The following WDR72 variants were observed in gnomAD, a reference collection of about 807,000 sequenced individuals.
WDR72 encodes the protein WD repeat domain 72, also known as WD repeat-containing protein 72.
In WDR72, 120 loss-of-function variants were observed where a neutral mutation model predicts 124.2. The observed-to-expected ratio is 0.97, with a 90% CI of 0.83 to 1.12. The LOEUF (loss-of-function observed/expected upper bound fraction) is 1.12. Ranked by LOEUF, WDR72 falls within the 50% of genes most tolerant of loss-of-function variation. The probability of loss-of-function intolerance (pLI) is 0.00; values close to 1 mark genes in which losing one functional copy is unlikely to be tolerated. For missense variants in WDR72, 1,387 were observed against 1,278.8 expected, an observed-to-expected ratio of 1.08 and a Z score of -1.29; for synonymous variants, 452 against 441.7, an observed-to-expected ratio of 1.02 and a Z score of -0.29.
rs549978437 is a variant in WDR72, at chr15:53,549,280, G to A, written c.3149-25958C>T. Among the ~76,000 whole-genome samples, 3 of 152,234 alleles carry A rather than the reference G, an allele frequency of 2.0e-5. No individual in the cohort carries two copies. The South Asian group carries it at 6.2e-4, about 32-fold the overall frequency. ...AGTCGCATGTGATGAATGTCAAGCT[G>A]GGCTGATACACAGTTCTTTTGGAAC... On this transcript the variant is annotated intron_variant, in intron 18 of 19. Coordinates refer to ENST00000360509, the MANE Select transcript of WDR72 (RefSeq NM_182758.4).
At chr15:53,521,813 C>A (rs990101907) in intron 19 of WDR72, among the ~76,000 whole-genome samples, 1 of 151,650 alleles carries the variant, frequency 6.6e-6, no homozygotes, top group South Asian at 2.1e-4. Flanking sequence ...ACTTTTAAAA[C>A]CTAATAAAAA....
intron 13 of WDR72, among the ~76,000 whole-genome samples, chr15:53,698,615 G>A (rs907937843): frequency 4.6e-5 from 7 of 152,136 alleles, no homozygotes; most frequent in African/African-American, 1.2e-4. Flanking sequence ...AGGTTCTGGA[G>A]GCAAGCCCAG....
chr15:53,705,908 G>A lies in WDR72; in HGVS notation c.1102+19C>T, dbSNP rs1174204771. The A allele has an allele frequency of 6.2e-7, 1 of 1,613,698 alleles. No individual in the cohort carries two copies. The highest frequency in any genetic ancestry group is 8.5e-7 in the Non-Finnish European group (1 of 1,179,846). ...TTCATTCTCAGAAGACATGTTACTA[G>A]AAAAGGAAACTGACTTACCTCTAGG... On this transcript the variant is annotated intron_variant, in intron 10 of 19. Transcript: ENST00000360509.
At chr15:53,704,653 G>C (rs1291394198) in intron 11 of WDR72, among the ~76,000 whole-genome samples, 3 of 148,732 alleles carry the variant, frequency 2.0e-5, no homozygotes, top group Non-Finnish European at 3.0e-5. Flanking sequence ...AGCCTCCCAA[G>C]TAGCTGGGAC....
At chr15:53,638,846 T>C (rs1241799679) in intron 14 of WDR72, among the ~76,000 whole-genome samples, 1 of 151,830 alleles carries the variant, frequency 6.6e-6, no homozygotes, top group Non-Finnish European at 1.5e-5. Context: ...CTACTAAAAA[T>C]ACAAAAATTA....
intron 6 of WDR72, among the ~76,000 whole-genome samples, chr15:53,713,637 T>C (rs2017618714): frequency 6.6e-6 from 1 of 151,700 alleles, no homozygotes; most frequent in African/African-American, 2.4e-5. Context: ...TTTGTATTTT[T>C]AGTAGAGACG....
At chr15:53,672,159 C>T (rs1370064872) in intron 13 of WDR72, among the ~76,000 whole-genome samples, 1 of 151,824 alleles carries the variant, frequency 6.6e-6, no homozygotes, top group Non-Finnish European at 1.5e-5. Flanking sequence ...TAATAGGGGC[C>T]CTAATAAGAA....
intron 14 of WDR72, among the ~76,000 whole-genome samples, chr15:53,663,602 GATGA>G (rs1279256542): frequency 1.3e-5 from 2 of 152,112 alleles, no homozygotes; most frequent in African/African-American, 4.8e-5. Context: ...AATGACACTT[GATGA>G]ATGAGATTTG....
In WDR72 at chr15:53,676,241, A is replaced by G. The variant is rs912881686; in HGVS notation, c.1766-10473T>C. Among the ~76,000 whole-genome samples the G allele has an allele frequency of 5.9e-5, 9 of 152,302 alleles. No individual in the cohort carries two copies. The East Asian group carries it at 1.7e-3, about 29-fold the overall frequency. ...AGACTTCTACTAATAATCCCCAATG[A>G]CAGTCATCCTTATGTGATTCCCTCC... On this transcript the variant is annotated intron_variant, in intron 13 of 19. Transcript: ENST00000360509.
At chr15:53,706,350 G>GTATATATATA (rs56246540) in intron 9 of WDR72, among the ~76,000 whole-genome samples, 11 of 25,744 alleles carry the variant, frequency 4.3e-4, no homozygotes, top group South Asian at 1.5e-3. Context: ...GTGTGTGTGT[G>GTATATATATA]TATATATATA....
chr15:53,642,509 G>A (rs2014891263), intron 14 of WDR72, among the ~76,000 whole-genome samples: 1 of 151,946 alleles, frequency 6.6e-6, no homozygotes, highest in Non-Finnish European at 1.5e-5. Flanking sequence ...TAATAATAGA[G>A]CCTAACACAA....
intron 14 of WDR72, among the ~76,000 whole-genome samples, chr15:53,623,564 C>T (rs1051095915): frequency 7.2e-5 from 11 of 151,926 alleles, no homozygotes; most frequent in East Asian, 1.9e-4. Flanking sequence ...ATTGTTGATG[C>T]GCACCTAGGT....
At chr15:53,611,072 A>C (rs2013520311) in intron 16 of WDR72, among the ~76,000 whole-genome samples, 1 of 152,138 alleles carries the variant, frequency 6.6e-6, no homozygotes, top group African/African-American at 2.4e-5. Flanking sequence ...GATAAAAGAA[A>C]GTATCCCAGC....
chr15:53,717,040 T>C (rs185093460), intron 3 of WDR72, among the ~76,000 whole-genome samples: 43 of 152,258 alleles, frequency 2.8e-4, no homozygotes, highest in Admixed American at 1.1e-3. Context: ...AAACTACATA[T>C]TCTGAAAATC....
intron 2 of WDR72, 69 bp from the exon 3 acceptor site, chr15:53,722,977 G>A: frequency 1.4e-6 from 2 of 1,393,752 alleles, no homozygotes; most frequent in Middle Eastern, 1.8e-4. Flanking sequence ...CCACAATATA[G>A]TATTCATAAC....
At chr15:53,630,297 C>T (rs962492375) in intron 14 of WDR72, among the ~76,000 whole-genome samples, 4 of 152,072 alleles carry the variant, frequency 2.6e-5, no homozygotes, top group Non-Finnish European at 5.9e-5. Flanking sequence ...AGAGTTAATA[C>T]CAGTTCTTGA....
chr15:53,613,864 G>T, intron 15 of WDR72, 107 bp from the exon 16 acceptor site: 1 of 703,104 alleles, frequency 1.4e-6, no homozygotes, highest in Admixed American at 2.2e-5. Flanking sequence ...TTTGGAAATT[G>T]AATACAAATT....
chr15:53,612,171 C>T (rs183955403), intron 16 of WDR72, among the ~76,000 whole-genome samples: 77 of 152,256 alleles, frequency 5.1e-4, no homozygotes, highest in African/African-American at 1.8e-3. Flanking sequence ...CCTTTAATTT[C>T]ATTTGTCCAT....
intron 13 of WDR72, among the ~76,000 whole-genome samples, chr15:53,668,187 C>T (rs947794861): frequency 3.3e-5 from 5 of 152,116 alleles, no homozygotes; most frequent in Non-Finnish European, 5.9e-5. Context: ...GTTAGACACT[C>T]GGTTTTGTGT....
Sources: gnomAD v4.1 joint callset for allele counts (sites outside exome capture counted in the v4.1 genomes callset) on GRCh38, gnomAD v4.1.1 for gene constraint, MANE v1.5 for transcripts, NCBI Gene and HGNC (gene_info 2026-07-23, HGNC 2026-07-21) for gene names.